Variants in RALGPS2 observed in about 807,000 individuals in gnomAD.
The protein encoded by RALGPS2 is Ral GEF with PH domain and SH3 binding motif 2.
Under a neutral mutation model 86.8 loss-of-function variants are expected in RALGPS2, and 43 were observed. That is an observed-to-expected ratio of 0.50 (90% CI 0.39 to 0.64). The LOEUF (loss-of-function observed/expected upper bound fraction) is 0.64, where lower values mean the gene tolerates loss of function less well. Ranked by LOEUF, RALGPS2 falls within the 30% of genes least tolerant of loss-of-function variation. The pLI is 0.00. For synonymous variants in RALGPS2, 243 were observed against 231.3 expected (o/e 1.05, Z -0.46); for missense variants, 536 against 694.6 (o/e 0.77, Z 2.57).
chr1:178,897,784 C>T lies in RALGPS2; in HGVS notation c.1524+28C>T, dbSNP rs767297186. 1.1e-5 allele frequency: 17 copies of T among 1,574,270 alleles called. No homozygotes were observed. The East Asian group carries it at 1.6e-4, about 15-fold the overall frequency. On this transcript the variant is annotated intron_variant, in intron 17 of 19. Coordinates refer to ENST00000367635, the MANE Select transcript of RALGPS2 (RefSeq NM_152663.5). ...AAGTATTTGTTCTCTACATTTTTAG[C>T]GTGGTTTCCCAGACTGTTCATGGTT...
chr1:178,768,606 C>T (rs1193933519), intron 1 of RALGPS2, among the ~76,000 whole-genome samples: 2 of 152,164 alleles, frequency 1.3e-5, no homozygotes, highest in African/African-American at 4.8e-5. Context: ...CTCTCTGTTG[C>T]CTCAGGCAGT....
At position 178,732,293 on chromosome 1, in the gene RALGPS2, T is replaced by TTTTA. The variant is rs60426564; in HGVS notation, c.-84+6894_-84+6897dup. On this transcript the variant is annotated intron_variant, in intron 1 of 19. Transcript: ENST00000367635. ...TTCTGAATTTTATGTTCCTGATTTA[T>TTTTA]TTTATTTATTTATTTATTTATTTGA... 7.0e-3 allele frequency among the ~76,000 whole-genome samples: 1,047 copies of TTTTA among 150,210 alleles called. 6 individuals carry two copies. The highest frequency in any genetic ancestry group is 0.014 in the Middle Eastern group (4 of 286).
intron 10 of RALGPS2, among the ~76,000 whole-genome samples, chr1:178,882,893 G>A (rs529531387): frequency 6.6e-6 from 1 of 152,192 alleles, no homozygotes; most frequent in African/African-American, 2.4e-5. Context: ...TGGTTTGTTA[G>A]ATGGTTAGTT....
At chr1:178,841,113 C>G (rs563931054) in intron 8 of RALGPS2, among the ~76,000 whole-genome samples, 16 of 151,758 alleles carry the variant, frequency 1.1e-4, no homozygotes, top group Non-Finnish European at 1.5e-5. Flanking sequence ...CTATTCCAAT[C>G]AATAGAAAAA....
In RALGPS2 at chr1:178,837,208, A is replaced by G. The variant is rs150548014; in HGVS notation, c.607+3658A>G. On this transcript the variant is annotated intron_variant, in intron 8 of 19. Transcript: ENST00000367635. ...GTATATCACTGTATATTTTATATCT[A>G]TCTGTATATCTTAGCTATCTACTTA... 5.9e-5 allele frequency among the ~76,000 whole-genome samples: 9 copies of G among 152,288 alleles called. No individual in the cohort carries two copies. The South Asian group carries it at 1.4e-3, about 25-fold the overall frequency.
chr1:178,880,064 A>T (rs757554047), intron 10 of RALGPS2, among the ~76,000 whole-genome samples: 1 of 152,070 alleles, frequency 6.6e-6, no homozygotes, highest in Non-Finnish European at 1.5e-5. Flanking sequence ...TTATTATCCC[A>T]TTTGTTCGCA....
rs141246228 is a variant in RALGPS2 at position 178,905,769 on chromosome 1, A to G, written c.1631-1007A>G. ...TCAATTTGTTTTCTCACCTTAATAC[A>G]TATAACCATTTAAAATATCCTCATT... On this transcript the variant is annotated intron_variant, in intron 18 of 19. Transcript: ENST00000367635. Among the ~76,000 whole-genome samples the G allele has an allele frequency of 6.0e-3, 913 of 152,342 alleles. 15 individuals are homozygous for G. Among genetic ancestry groups the G allele is most frequent in the African/African-American group, 0.021 (878 of 41,566 alleles).
intron 8 of RALGPS2, among the ~76,000 whole-genome samples, chr1:178,862,221 C>G (rs1341656156): frequency 6.6e-6 from 1 of 151,978 alleles, no homozygotes; most frequent in Non-Finnish European, 1.5e-5. Flanking sequence ...ATACTCTGGC[C>G]TATTGCTACT....
intron 1 of RALGPS2, among the ~76,000 whole-genome samples, chr1:178,765,981 T>C (rs1444078245): frequency 6.6e-6 from 1 of 152,178 alleles, no homozygotes; most frequent in Non-Finnish European, 1.5e-5. Flanking sequence ...TTTGTGCAGT[T>C]AACGCAGTCA....
intron 8 of RALGPS2, chr1:178,864,886 G>T: frequency 1.9e-6 from 2 of 1,066,774 alleles, no homozygotes; most frequent in Non-Finnish European, 2.5e-6. Context: ...TTTATTATGA[G>T]CATTGTTTCA....
intron 2 of RALGPS2, among the ~76,000 whole-genome samples, chr1:178,777,247 AACAG>A (rs1436275298): frequency 6.6e-6 from 1 of 151,928 alleles, no homozygotes; most frequent in African/African-American, 2.4e-5. Context: ...ATACACCAAT[AACAG>A]ACAAACAGAC....
chr1:178,786,657 T>C (rs1047355296), intron 4 of RALGPS2, among the ~76,000 whole-genome samples: 5 of 151,974 alleles, frequency 3.3e-5, no homozygotes, highest in Admixed American at 1.3e-4. Flanking sequence ...CTGATTTTTT[T>C]TAACCTCTCA....
chr1:178,791,857 T>C (rs1373769820), intron 4 of RALGPS2, among the ~76,000 whole-genome samples: 1 of 152,226 alleles, frequency 6.6e-6, no homozygotes, highest in African/African-American at 2.4e-5. Context: ...CTACAATGTC[T>C]GTTGTACTAT....
intron 1 of RALGPS2, among the ~76,000 whole-genome samples, chr1:178,731,272 GTTTTTTTTTTTTTT>G (rs57628726): frequency 3.5e-5 from 2 of 57,946 alleles, no homozygotes; most frequent in Admixed American, 3.0e-4. Flanking sequence ...AGTTGTTTTG[GTTTTTTTTTTTTTT>G]TTTTTTTTTT....
intron 1 of RALGPS2, among the ~76,000 whole-genome samples, chr1:178,733,221 CTG>C (rs1474076531): frequency 5.3e-5 from 8 of 152,124 alleles, no homozygotes; most frequent in African/African-American, 1.7e-4. Context: ...AAAGAAAAGA[CTG>C]TATTTCATTA....
At chr1:178,852,860 A>G (rs1657271503) in intron 8 of RALGPS2, 1 of 1,613,944 alleles carries the variant, frequency 6.2e-7, no homozygotes, top group Non-Finnish European at 8.5e-7. Context: ...CAGTCTTCTA[A>G]TTCAATCAAT....
At chr1:178,745,868 G>A (rs1174822424) in intron 1 of RALGPS2, among the ~76,000 whole-genome samples, 2 of 139,180 alleles carry the variant, frequency 1.4e-5, no homozygotes, top group African/African-American at 5.4e-5. Flanking sequence ...TGTCGCTCAG[G>A]CTGGAGGCAG....
At position 178,856,169 on chromosome 1, in the gene RALGPS2, A is replaced by G. The variant is rs554455707; in HGVS notation, c.608-21329A>G. Among the ~76,000 whole-genome samples, 351 of 139,726 alleles carry G rather than the reference A, an allele frequency of 2.5e-3. 4 individuals carry two copies. Among genetic ancestry groups the G allele is most frequent in the Admixed American group, 5.3e-3 (72 of 13,648 alleles). The allele number at this position is 139,726 out of a possible 152,430, so 91.7% of individuals were successfully genotyped here. On this transcript the variant is annotated intron_variant, in intron 8 of 19. Coordinates refer to ENST00000367635, the MANE Select transcript of RALGPS2 (RefSeq NM_152663.5). ...GAATAGGATTGTTGAAATTTTGAGA[A>G]CTGTGTTACCTGTACTTTTCCAGAG...
chr1:178,824,371 A>G (rs978397402), intron 7 of RALGPS2, among the ~76,000 whole-genome samples: 1 of 152,194 alleles, frequency 6.6e-6, no homozygotes, highest in African/African-American at 2.4e-5. Flanking sequence ...TGGAAATGGC[A>G]TCAATGGCAA....
Sources: allele counts gnomAD v4.1 joint callset (sites outside exome capture counted in the v4.1 genomes callset), GRCh38; gene constraint gnomAD v4.1.1; transcripts MANE v1.5; gene names NCBI Gene and HGNC (gene_info 2026-07-23, HGNC 2026-07-21).